ASPG: variants seen among roughly 807,000 people sequenced by gnomAD.
ASPG encodes asparaginase, also known as 60 kDa lysophospholipase.
Under a neutral mutation model 63.2 loss-of-function variants are expected in ASPG, and 53 were observed. The ratio of observed to expected loss-of-function variants is 0.84; its 90% CI spans 0.67 to 1.05. ASPG has a LOEUF of 1.05. Among genes scored for constraint, ASPG ranks in the 50% least tolerant of loss-of-function variants. The probability of loss-of-function intolerance (pLI) is 0.00; values close to 1 mark genes in which losing one functional copy is unlikely to be tolerated. For synonymous variants in ASPG, 370 were observed against 355.0 expected (o/e 1.04, Z -0.48); for missense variants, 741 against 794.4 (o/e 0.93, Z 0.81).
intron 8 of ASPG, 58 bp downstream of exon 8, chr14:104,104,544 G>T: frequency 1.3e-6 from 2 of 1,592,518 alleles, no homozygotes; most frequent in South Asian, 1.1e-5. Flanking sequence ...GCCTGGCAGA[G>T]GTGGGCTCTG....
intron 4 of ASPG, 62 bp from the exon 5 acceptor site, chr14:104,097,492 A>T: frequency 6.7e-7 from 1 of 1,482,556 alleles, no homozygotes; most frequent in Admixed American, 2.0e-5. Context: ...TGGAGAGATG[A>T]GCCAGACATC....
At chr14:104,106,027 T>C (rs552447564) in intron 10 of ASPG, among the ~76,000 whole-genome samples, 1 of 152,242 alleles carries the variant, frequency 6.6e-6, no homozygotes, top group Admixed American at 6.5e-5. Context: ...CTGTGTGGGG[T>C]CCTGCCCCGG....
chr14:104,088,544 G>A (rs1302754814), intron 1 of ASPG, among the ~76,000 whole-genome samples: 3 of 152,096 alleles, frequency 2.0e-5, no homozygotes. Context: ...AGTCCCTCCT[G>A]AGCCCGGCTC....
intron 6 of ASPG, among the ~76,000 whole-genome samples, chr14:104,102,137 C>G (rs1466221630): frequency 1.3e-5 from 2 of 152,052 alleles, no homozygotes; most frequent in African/African-American, 4.8e-5. Flanking sequence ...CCCTCCTTTC[C>G]TGTGCTGATG....
In ASPG at chr14:104,097,560, A is replaced by G. The variant is rs1252042007; in HGVS notation, c.436A>G (p.Ile146Val). The change falls in exon 5 of 16, where the codon ATC becomes GTC. Residue 146 changes from isoleucine to valine, a missense_variant. Ile to Val is a conservative substitution (Grantham distance 29). Coordinates refer to ENST00000551177, the MANE Select transcript of ASPG (RefSeq NM_001080464.3). ...TVILTGAQVP[I>V]HALWSDGREN... Reference sequence around the variant, plus strand: ...TCCGTGGCCTCTCCCCCAGGTGCCCATCCATGCCCTGTGGAGCGACGGCCG... The same window carrying G: ...TCCGTGGCCTCTCCCCCAGGTGCCCGTCCATGCCCTGTGGAGCGACGGCCG... 6.4e-7 allele frequency: 1 copy of G among 1,553,604 alleles called. No individual in the cohort carries two copies. The highest frequency in any genetic ancestry group is 8.7e-7 in the Non-Finnish European group (1 of 1,148,906).
chr14:104,104,813 C>A, intron 9 of ASPG, 78 bp downstream of exon 9: 2 of 1,257,048 alleles, frequency 1.6e-6, no homozygotes, highest in African/African-American at 1.5e-5. Context: ...ATGTCTGGGG[C>A]GATGCCGGAA....
chr14:104,100,952 C>T (rs1241605419), intron 6 of ASPG, among the ~76,000 whole-genome samples: 1 of 152,216 alleles, frequency 6.6e-6, no homozygotes, highest in Admixed American at 6.5e-5. Flanking sequence ...GGGTGGACCC[C>T]GCCCCAACAG....
chr14:104,104,405 G>A lies in ASPG; in HGVS notation c.855G>A (p.Val285=). The A allele has an allele frequency of 6.2e-7, 1 of 1,612,632 alleles. No individual in the cohort carries two copies. Among genetic ancestry groups the A allele is most frequent in the Admixed American group, 1.7e-5 (1 of 60,014 alleles). ...CCGACCTGCTGCAGGAGCTGCGGGTGGCCACCGAGCGCGGCCTGGTCATCG... is the reference window on the plus strand; with the variant it reads ...CCGACCTGCTGCAGGAGCTGCGGGTAGCCACCGAGCGCGGCCTGGTCATCG... ...TKPDLLQELR[V]ATERGLVIVN... The change falls in exon 8 of 16, where the codon GTG becomes GTA. Residue 285 remains valine (V), a synonymous_variant. Transcript: ENST00000551177.
chr14:104,105,676 A>G (rs1340263341), intron 10 of ASPG, among the ~76,000 whole-genome samples: 3 of 152,194 alleles, frequency 2.0e-5, no homozygotes. Flanking sequence ...GTGGGCACAC[A>G]GCAGGGAGGC....
rs771308930 is a variant in ASPG at position 104,111,900 on chromosome 14, T to C, written c.1621-20T>C. 9 of 1,549,788 alleles carry C rather than the reference T, an allele frequency of 5.8e-6. No individual in the cohort carries two copies. The South Asian group carries it at 9.5e-5, about 16-fold the overall frequency. On this transcript the variant is annotated intron_variant, in intron 14 of 15. Transcript: ENST00000551177. ...TAGTCAGTGGCCCCAAGGCAGCCCCTCCCCACTGCTTCCCCATAGGCAGAG... is the reference window on the plus strand; with the variant it reads ...TAGTCAGTGGCCCCAAGGCAGCCCCCCCCCACTGCTTCCCCATAGGCAGAG...
At chr14:104,103,740 GC>G in intron 7 of ASPG, 65 bp downstream of exon 7, 1 of 1,407,444 alleles carries the variant, frequency 7.1e-7, no homozygotes, top group Non-Finnish European at 9.7e-7. Flanking sequence ...AGCTCCCACG[GC>G]CCTCAGGCTC....
chr14:104,111,532 G>C lies in ASPG; in HGVS notation c.1551G>C (p.Leu517=), dbSNP rs563090888. Residue 517 remains leucine (L), a synonymous_variant, in exon 14 of 16, where the codon CTG becomes CTC. Transcript: ENST00000551177. ...CATACAGGGCCGACCTCGAAGGCCT[G>C]CAGGTGTGGTGGCAGGCAGGGGCTG... ...RLAYRADLEG[L]QVWWQAGADL... 1.3e-6 allele frequency: 2 copies of C among 1,551,892 alleles called. No individual in the cohort carries two copies. Among genetic ancestry groups the C allele is most frequent in the African/African-American group, 1.4e-5 (1 of 73,106 alleles).
chr14:104,095,327 G>A (rs988751477), intron 3 of ASPG, among the ~76,000 whole-genome samples: 1 of 152,154 alleles, frequency 6.6e-6, no homozygotes, highest in African/African-American at 2.4e-5. Context: ...GAGTGGCATG[G>A]AAGCCTCGGG....
chr14:104,103,193 G>A (rs2036956960), intron 6 of ASPG, among the ~76,000 whole-genome samples: 2 of 152,234 alleles, frequency 1.3e-5, no homozygotes, highest in African/African-American at 2.4e-5. Context: ...GCCCCCATGC[G>A]GCCTGCAAGA....
chr14:104,096,325 G>A (rs1187849447), intron 4 of ASPG, among the ~76,000 whole-genome samples: 3 of 152,178 alleles, frequency 2.0e-5, no homozygotes, highest in Non-Finnish European at 4.4e-5. Context: ...GGTCTTGTAT[G>A]GGAAACCGGT....
intron 2 of ASPG, 90 bp from the exon 3 acceptor site, chr14:104,093,401 A>G: frequency 3.3e-6 from 4 of 1,211,302 alleles, no homozygotes; most frequent in Non-Finnish European, 4.9e-6. Context: ...GCTCTGCCAG[A>G]GGGGAACAGA....
At chr14:104,093,815 G>A (rs2036472317) in intron 3 of ASPG, among the ~76,000 whole-genome samples, 1 of 146,804 alleles carries the variant, frequency 6.8e-6, no homozygotes, top group African/African-American at 2.5e-5. Context: ...TGGAGAGTGG[G>A]TGAGGCTGTG....
chr14:104,104,944 A>G, intron 9 of ASPG: 1 of 586,010 alleles, frequency 1.7e-6, no homozygotes, highest in East Asian at 2.9e-5. Context: ...CTCCCAGCCC[A>G]GGCTCCGCCT....
At chr14:104,096,656 G>A (rs2141000424) in intron 4 of ASPG, among the ~76,000 whole-genome samples, 1 of 152,330 alleles carries the variant, frequency 6.6e-6, no homozygotes, top group East Asian at 1.9e-4. Flanking sequence ...TATGAGCACC[G>A]CAGGACCCAC....
Sources: allele counts gnomAD v4.1 joint callset (sites outside exome capture counted in the v4.1 genomes callset), GRCh38; gene constraint gnomAD v4.1.1; transcripts MANE v1.5; gene names NCBI Gene and HGNC (gene_info 2026-07-23, HGNC 2026-07-21).